The following MICU1 variants were observed in gnomAD, a reference collection of about 807,000 sequenced individuals.
The protein encoded by MICU1 is mitochondrial calcium uptake 1, also known as calcium uptake protein 1, mitochondrial.
Under a neutral mutation model 56.8 loss-of-function variants are expected in MICU1, and 45 were observed. That is an observed-to-expected ratio of 0.79 (90% confidence interval 0.62 to 1.02). The LOEUF is 1.02. Ranked by LOEUF, MICU1 falls within the 50% of genes least tolerant of loss-of-function variation. The probability of loss-of-function intolerance (pLI) is 0.00; values close to 1 mark genes in which losing one functional copy is unlikely to be tolerated. For missense variants in MICU1, 504 were observed against 587.1 expected (o/e 0.86, Z 1.46); for synonymous variants, 186 against 195.1 (o/e 0.95, Z 0.39).
At chr10:72,420,060 T>A (rs1382913057) in intron 9 of MICU1, among the ~76,000 whole-genome samples, 1 of 152,134 alleles carries the variant, frequency 6.6e-6, no homozygotes, top group African/African-American at 2.4e-5. Context: ...GTAAGACGTG[T>A]CTTTTCCTTT....
chr10:72,538,888 A>T (rs2152474), intron 4 of MICU1, among the ~76,000 whole-genome samples: 4,174 of 152,194 alleles, frequency 0.027, 180 homozygotes, highest in African/African-American at 0.094. Flanking sequence ...AACAGACTGA[A>T]AGTAAGTAAA....
At chr10:72,588,551 G>A (rs1349758736) in intron 1 of MICU1, among the ~76,000 whole-genome samples, 1 of 152,162 alleles carries the variant, frequency 6.6e-6, no homozygotes, top group Non-Finnish European at 1.5e-5. Context: ...TAGTATAATA[G>A]GAATTGGTTA....
Position 72,405,169 on chromosome 10 carries a change from A to G in MICU1, c.1180+2760T>C, listed in dbSNP as rs1371917510. Among the ~76,000 whole-genome samples the G allele has an allele frequency of 2.0e-5, 3 of 151,978 alleles. No individual in the cohort carries two copies. The East Asian group carries it at 5.8e-4, about 29-fold the overall frequency. On this transcript the variant is annotated intron_variant, in intron 10 of 11. Transcript: ENST00000361114. ...GGTGATCTGCCCGTCTCAGCCTCCT[A>G]AAGTGTTAGGATTACAGGCATGAGC...
chr10:72,387,879 C>A (rs989624425), intron 10 of MICU1, among the ~76,000 whole-genome samples: 6 of 151,664 alleles, frequency 4.0e-5, no homozygotes, highest in African/African-American at 1.5e-4. Flanking sequence ...CAGAAGAAAG[C>A]CAGCACCTAT....
At chr10:72,596,034 G>A (rs962805217) in intron 1 of MICU1, among the ~76,000 whole-genome samples, 18 of 149,290 alleles carry the variant, frequency 1.2e-4, no homozygotes, top group African/African-American at 3.5e-4. Flanking sequence ...TGCCCAGGCC[G>A]GAGTGCAGTG....
At chr10:72,403,629 T>TTGTG (rs60373032) in intron 10 of MICU1, among the ~76,000 whole-genome samples, 51,531 of 139,644 alleles carry the variant, frequency 0.37, 10,920 homozygotes, top group Non-Finnish European at 0.52. Flanking sequence ...CATACCAAAA[T>TTGTG]TGTGTGTGTG....
At chr10:72,605,588 T>C (rs547088678) in intron 1 of MICU1, among the ~76,000 whole-genome samples, 34 of 152,278 alleles carry the variant, frequency 2.2e-4, no homozygotes, top group East Asian at 9.6e-4. Context: ...CTGTGATAGT[T>C]TGAAAGGTAA....
chr10:72,509,597 T>C (rs1867374145), intron 5 of MICU1, among the ~76,000 whole-genome samples: 1 of 152,330 alleles, frequency 6.6e-6, no homozygotes, highest in Non-Finnish European at 1.5e-5. Context: ...CACAGGTGAA[T>C]AACAATTACA....
chr10:72,542,192 T>C (rs1839789194), intron 4 of MICU1, among the ~76,000 whole-genome samples: 2 of 152,186 alleles, frequency 1.3e-5, no homozygotes, highest in African/African-American at 4.8e-5. Context: ...ATAACTCTTT[T>C]TATGGACACT....
In MICU1 at chr10:72,435,385, CAAAAAAAA is replaced by C. The variant is rs34955776; in HGVS notation, c.934-12022_934-12015del. On this transcript the variant is annotated intron_variant, in intron 8 of 11. Coordinates refer to ENST00000361114, the MANE Select transcript of MICU1 (RefSeq NM_001195518.2). ...CCTGGGCCAGAGTGAGACCCTGTTA[CAAAAAAAA>C]AAAAAAAAAAAAAAAAAAGTGGGGG... 4.4e-4 allele frequency among the ~76,000 whole-genome samples: 21 copies of C among 48,084 alleles called. No individual in the cohort carries two copies. The East Asian group carries it at 4.5e-3, about 10-fold the overall frequency. The allele number at this position is 48,084 out of a possible 152,430, so 31.5% of individuals were successfully genotyped here.
At chr10:72,490,291 C>T (rs754573849) in intron 6 of MICU1, among the ~76,000 whole-genome samples, 9 of 151,996 alleles carry the variant, frequency 5.9e-5, no homozygotes, top group Non-Finnish European at 8.8e-5. Context: ...GGTGAAAGAA[C>T]CAAGGGAAAA....
At chr10:72,370,653 C>T (rs972327606) in intron 11 of MICU1, among the ~76,000 whole-genome samples, 1 of 152,102 alleles carries the variant, frequency 6.6e-6, no homozygotes, top group Non-Finnish European at 1.5e-5. Flanking sequence ...CTCTATAGTC[C>T]TGGTAATGTG....
At chr10:72,430,803 G>C (rs375579758) in intron 8 of MICU1, among the ~76,000 whole-genome samples, 1 of 151,982 alleles carries the variant, frequency 6.6e-6, no homozygotes, top group East Asian at 1.9e-4. Flanking sequence ...CAGGTGATCC[G>C]CCAGCCTCAG....
At chr10:72,621,196 G>T (rs932463158) in intron 1 of MICU1, among the ~76,000 whole-genome samples, 1 of 152,216 alleles carries the variant, frequency 6.6e-6, no homozygotes, top group South Asian at 2.1e-4. Context: ...TACATACCAC[G>T]TTCAAAATAA....
At chr10:72,619,279 C>T (rs982787923) in intron 1 of MICU1, among the ~76,000 whole-genome samples, 5 of 151,926 alleles carry the variant, frequency 3.3e-5, no homozygotes, top group Admixed American at 1.3e-4. Flanking sequence ...CCTGTCTCTA[C>T]TAAAAATACA....
chr10:72,369,966 C>A (rs1862275223), intron 11 of MICU1, among the ~76,000 whole-genome samples: 2 of 152,068 alleles, frequency 1.3e-5, no homozygotes, highest in East Asian at 1.9e-4. Context: ...CTGCAAGTAC[C>A]CCTCCAGGTT....
intron 8 of MICU1, among the ~76,000 whole-genome samples, chr10:72,445,637 G>A (rs1188004370): frequency 6.6e-6 from 1 of 152,130 alleles, no homozygotes; most frequent in African/African-American, 2.4e-5. Flanking sequence ...TCCATATCAA[G>A]GCTGTTCATT....
intron 6 of MICU1, among the ~76,000 whole-genome samples, chr10:72,493,862 G>A (rs991304656): frequency 2.6e-5 from 4 of 152,166 alleles, no homozygotes; most frequent in African/African-American, 9.7e-5. Context: ...ATTTGAAAGT[G>A]TCTGGTAAAC....
chr10:72,389,716 T>C (rs560970944), intron 10 of MICU1, among the ~76,000 whole-genome samples: 1 of 152,222 alleles, frequency 6.6e-6, no homozygotes, highest in South Asian at 2.1e-4. Context: ...TGAGGTGCTT[T>C]ACAGTGGAGC....
Sources: allele counts gnomAD v4.1 joint callset (sites outside exome capture counted in the v4.1 genomes callset), GRCh38; gene constraint gnomAD v4.1.1; transcripts MANE v1.5; gene names NCBI Gene and HGNC (gene_info 2026-07-23, HGNC 2026-07-21).